KDM5B: variants seen among roughly 807,000 people sequenced by gnomAD.
KDM5B encodes lysine-specific demethylase 5B.
KDM5B carries 144 observed loss-of-function variants against 193.4 expected under a neutral mutation model. The observed-to-expected ratio is 0.74, with a 90% CI of 0.65 to 0.86. KDM5B has a LOEUF of 0.86. KDM5B is among the 40% of genes least tolerant of loss of function. The pLI is 0.00. For synonymous variants in KDM5B, 668 were observed against 682.6 expected (o/e 0.98, Z 0.33); for missense variants, 1,833 against 1,886.9 (o/e 0.97, Z 0.53).
chr1:202,762,401 A>G (rs1292272604), intron 7 of KDM5B, among the ~76,000 whole-genome samples: 1 of 152,256 alleles, frequency 6.6e-6, no homozygotes, highest in Non-Finnish European at 1.5e-5. Context: ...AATTCTATGT[A>G]TAATGAGCTA....
At chr1:202,738,344 G>T (rs1655173509) in intron 20 of KDM5B, among the ~76,000 whole-genome samples, 1 of 152,200 alleles carries the variant, frequency 6.6e-6, no homozygotes, top group South Asian at 2.1e-4. Flanking sequence ...CAATCATGGA[G>T]TAAAAAGGAG....
chr1:202,782,983 T>TCA (rs1657258703), intron 1 of KDM5B, among the ~76,000 whole-genome samples: 1 of 152,192 alleles, frequency 6.6e-6, no homozygotes, highest in Non-Finnish European at 1.5e-5. Context: ...TGATGGCTCA[T>TCA]GCCTGTAATC....
At chr1:202,786,789 G>A (rs1297681604) in intron 1 of KDM5B, among the ~76,000 whole-genome samples, 8 of 152,166 alleles carry the variant, frequency 5.3e-5, no homozygotes, top group East Asian at 1.9e-4. Flanking sequence ...GCTCACACCT[G>A]TAATCCCAGC....
At chr1:202,785,953 C>G (rs1657395088) in intron 1 of KDM5B, among the ~76,000 whole-genome samples, 1 of 149,612 alleles carries the variant, frequency 6.7e-6, no homozygotes, top group Non-Finnish European at 1.5e-5. Flanking sequence ...GGAAAATATT[C>G]ATGTTGCAAA....
At chr1:202,739,923 CT>C (rs1655241515) in intron 20 of KDM5B, among the ~76,000 whole-genome samples, 2 of 152,216 alleles carry the variant, frequency 1.3e-5, no homozygotes, top group Non-Finnish European at 2.9e-5. Context: ...TTTTCCCCAC[CT>C]TTCCCCCCTT....
intron 22 of KDM5B, 74 bp from the exon 23 acceptor site, chr1:202,733,960 G>C: frequency 6.6e-7 from 1 of 1,511,364 alleles, no homozygotes. Flanking sequence ...AGTCCTAGTG[G>C]TTAAGAGCAT....
intron 1 of KDM5B, among the ~76,000 whole-genome samples, chr1:202,790,969 GAACT>G (rs944178183): frequency 6.6e-6 from 1 of 151,994 alleles, no homozygotes; most frequent in African/African-American, 2.4e-5. Context: ...CAACACAAAT[GAACT>G]AACATACTGA....
rs530578414 is a variant in KDM5B, at chr1:202,749,250, G to C, written c.1822-111C>G. 5.4e-6 allele frequency: 5 copies of C among 926,194 alleles called. No homozygotes were observed. The East Asian group carries it at 1.4e-4, about 26-fold the overall frequency. The allele number at this position is 926,194 out of a possible 1,614,324, so 57.4% of individuals were successfully genotyped here. ...AACATCACACTATGGGTCTTAACAC[G>C]TATCATTTACCAACCCTAAAACCAG... On this transcript the variant is annotated intron_variant, in intron 13 of 26. Transcript: ENST00000367265.
At chr1:202,742,910 A>G in intron 16 of KDM5B, 105 bp from the exon 17 acceptor site, 1 of 936,070 alleles carries the variant, frequency 1.1e-6, no homozygotes, top group South Asian at 1.7e-5. Context: ...CTAGAAATGT[A>G]ACTTACAAAT....
At chr1:202,753,613 T>C (rs1034603482) in intron 11 of KDM5B, among the ~76,000 whole-genome samples, 2 of 152,012 alleles carry the variant, frequency 1.3e-5, no homozygotes, top group African/African-American at 4.8e-5. Context: ...CTCATTTTTA[T>C]CTGACTCTTT....
chr1:202,736,171 A>C, intron 21 of KDM5B, 42 bp downstream of exon 21: 33 of 1,378,230 alleles, frequency 2.4e-5, no homozygotes, highest in Non-Finnish European at 2.9e-5. Flanking sequence ...TTACCAAACT[A>C]GGAGATCTAA....
rs1655042861 is a variant in KDM5B, at chr1:202,735,055, A to G, written c.3423+374T>C. 1.3e-5 allele frequency among the ~76,000 whole-genome samples: 2 copies of G among 152,252 alleles called. 1 individual carries two copies. The highest frequency in any genetic ancestry group is 4.1e-4 in the South Asian group (2 of 4,830). ...ATGTAAGGTATTCCAGATGAGTATC[A>G]AAGTATCCAGTAAACTTTTAAATGT... is the stretch of plus-strand genomic sequence containing the variant. On this transcript the variant is annotated intron_variant, in intron 22 of 26. Transcript: ENST00000367265.
intron 2 of KDM5B, among the ~76,000 whole-genome samples, chr1:202,775,504 T>A (rs183654874): frequency 6.6e-6 from 1 of 150,700 alleles, no homozygotes; most frequent in Non-Finnish European, 1.5e-5. Context: ...GCTACTGCAC[T>A]CCAGCCCAGG....
At chr1:202,733,908 A>G (rs925542664) in intron 22 of KDM5B, 22 bp from the exon 23 acceptor site, 29 of 1,589,668 alleles carry the variant, frequency 1.8e-5, no homozygotes, top group Middle Eastern at 1.7e-4. Context: ...TTAACAATCA[A>G]GGATGATGTC....
chr1:202,781,028 A>T (rs1206397336), intron 1 of KDM5B, among the ~76,000 whole-genome samples: 1 of 152,190 alleles, frequency 6.6e-6, no homozygotes, highest in Non-Finnish European at 1.5e-5. Context: ...TTAGAATAAA[A>T]ATGACGGCCA....
chr1:202,795,522 C>T (rs547098141), intron 1 of KDM5B, among the ~76,000 whole-genome samples: 2 of 151,824 alleles, frequency 1.3e-5, no homozygotes, highest in African/African-American at 2.4e-5. Flanking sequence ...CGTGGTGGCA[C>T]GTCGCTGTAA....
chr1:202,748,851 T>A, intron 14 of KDM5B, 94 bp downstream of exon 14: 2 of 1,048,724 alleles, frequency 1.9e-6, no homozygotes, highest in Non-Finnish European at 2.8e-6. Context: ...AAAATAGGCT[T>A]TAAAAAGACT....
Position 202,731,065 on chromosome 1 carries a change from T to A in KDM5B, c.4022-2A>T. On this transcript the variant is annotated splice_acceptor_variant, in intron 24 of 26. Coordinates refer to ENST00000367265, the MANE Select transcript of KDM5B (RefSeq NM_006618.5). LOFTEE classifies it high-confidence loss of function. Reference sequence around the variant, plus strand: ...GTTCATTCACTTCTGGACTAACACCTGTAAAAGACCAGACCAAATCAAAAT... The same window carrying A: ...GTTCATTCACTTCTGGACTAACACCAGTAAAAGACCAGACCAAATCAAAAT... 6.3e-7 allele frequency: 1 copy of A among 1,597,932 alleles called. No individual in the cohort carries two copies. Among genetic ancestry groups the A allele is most frequent in the Non-Finnish European group, 8.5e-7 (1 of 1,170,626 alleles).
chr1:202,778,501 C>G (rs1386717665), intron 1 of KDM5B, among the ~76,000 whole-genome samples: 1 of 151,934 alleles, frequency 6.6e-6, no homozygotes, highest in Non-Finnish European at 1.5e-5. Flanking sequence ...GAACTGTATC[C>G]TTAAAAATGG....
Sources: gnomAD v4.1 joint callset for allele counts (sites outside exome capture counted in the v4.1 genomes callset) on GRCh38, gnomAD v4.1.1 for gene constraint, MANE v1.5 for transcripts, NCBI Gene and HGNC (gene_info 2026-07-23, HGNC 2026-07-21) for gene names.